Variants in TBC1D1 observed in about 807,000 individuals in gnomAD.
The protein encoded by TBC1D1 is TBC1 domain family member 1, also known as TBC1 (tre-2/USP6, BUB2, cdc16) domain family, member 1.
A neutral mutation model predicts 125.6 loss-of-function variants in TBC1D1; 89 were observed. The observed-to-expected ratio is 0.71, with a 90% CI of 0.60 to 0.85. The LOEUF (loss-of-function observed/expected upper bound fraction) is 0.85, where lower values mean the gene tolerates loss of function less well. Ranked by LOEUF, TBC1D1 falls within the 40% of genes least tolerant of loss-of-function variation. TBC1D1 has a pLI of 0.00. For synonymous variants in TBC1D1, 565 were observed against 564.1 expected, an observed-to-expected ratio of 1.00 and a Z score of -0.02; for missense variants, 1,377 against 1,469.2, an observed-to-expected ratio of 0.94 and a Z score of 1.03.
Position 38,054,204 on chromosome 4 carries a change from T to C in TBC1D1, c.1916T>C (p.Phe639Ser). 4 of 1,614,118 alleles carry C rather than the reference T, an allele frequency of 2.5e-6. No homozygotes were observed. Among genetic ancestry groups the C allele is most frequent in the Non-Finnish European group, 3.4e-6 (4 of 1,179,936 alleles). The change falls in exon 12 of 20, where the codon TTT becomes TCT. Residue 639 changes from phenylalanine to serine, a missense_variant. This residue lies in a region of TBC1D1 where 822 missense variants were observed against 824.6 expected (regional missense o/e 1.00). Transcript: ENST00000261439. ...CAATCATCTTATAATTTTAGGGACT[T>C]TGAATCCAAAGCAAACCATCTTGGT...
chr4:38,131,477 G>C (rs939183396), intron 18 of TBC1D1, among the ~76,000 whole-genome samples: 1 of 152,162 alleles, frequency 6.6e-6, no homozygotes, highest in Admixed American at 6.5e-5. Flanking sequence ...TTTGTGGCAG[G>C]TGTGTGGAAG....
At chr4:38,078,444 T>C (rs558687892) in intron 12 of TBC1D1, among the ~76,000 whole-genome samples, 2 of 152,316 alleles carry the variant, frequency 1.3e-5, no homozygotes, top group East Asian at 3.9e-4. Flanking sequence ...TGCTATGGAC[T>C]GAACATTTGT....
chr4:37,974,497 C>T (rs1732659340), intron 2 of TBC1D1, among the ~76,000 whole-genome samples: 1 of 152,102 alleles, frequency 6.6e-6, no homozygotes, highest in Admixed American at 6.5e-5. Flanking sequence ...TCTTGGCATC[C>T]CAAAGTGCTG....
At chr4:38,087,139 A>C (rs774188629) in intron 12 of TBC1D1, among the ~76,000 whole-genome samples, 13 of 152,248 alleles carry the variant, frequency 8.5e-5, no homozygotes, top group Admixed American at 4.6e-4. Flanking sequence ...ACAAACTGTC[A>C]CTAGTGATAA....
At chr4:38,061,856 T>C (rs1431637094) in intron 12 of TBC1D1, among the ~76,000 whole-genome samples, 5 of 152,226 alleles carry the variant, frequency 3.3e-5, no homozygotes, top group African/African-American at 4.8e-5. Flanking sequence ...AAACATGATT[T>C]ACATGTTTTA....
At chr4:38,065,393 G>A (rs558967654) in intron 12 of TBC1D1, among the ~76,000 whole-genome samples, 33 of 152,272 alleles carry the variant, frequency 2.2e-4, no homozygotes, top group Admixed American at 1.8e-3. Flanking sequence ...TCAAGCCGCA[G>A]CAGCTGATAA....
At chr4:38,078,457 C>A (rs1384820574) in intron 12 of TBC1D1, among the ~76,000 whole-genome samples, 1 of 152,068 alleles carries the variant, frequency 6.6e-6, no homozygotes, top group Admixed American at 6.5e-5. Context: ...ACATTTGTGT[C>A]CCCCCAAAAT....
intron 11 of TBC1D1, 101 bp downstream of exon 13, chr4:38,053,326 T>C (rs763262895): frequency 1.5e-5 from 15 of 1,013,086 alleles, no homozygotes; most frequent in Non-Finnish European, 1.8e-5. Context: ...ATTTAAAAAA[T>C]CATTTCAGCT....
rs746363297 is a variant in TBC1D1, at chr4:38,014,892, C to T, written c.801C>T (p.Ser267=). 9.4e-6 allele frequency: 15 copies of T among 1,603,450 alleles called. No individual in the cohort carries two copies. Among genetic ancestry groups the T allele is most frequent in the African/African-American group, 1.3e-5 (1 of 74,590 alleles). Residue 267 remains serine, a synonymous_variant, in exon 3 of 20, where the codon AGC becomes AGT. Transcript: ENST00000261439. The surrounding 1 kb of genome is among the most constrained non-coding windows in gnomAD (Gnocchi z 5.1). The stretch of plus-strand genomic sequence containing the variant: ...GCTTCTTCAGCTCCTTCGAGGAGAG[C>T]GACATTGAGAACCACCTCATTAGCG...
chr4:38,008,846 A>G (rs1422688150), intron 2 of TBC1D1, among the ~76,000 whole-genome samples: 1 of 152,168 alleles, frequency 6.6e-6, no homozygotes, highest in East Asian at 1.9e-4. Flanking sequence ...CTGTCACCTT[A>G]TATTGGAAAT....
intron 8 of TBC1D1, among the ~76,000 whole-genome samples, chr4:38,043,054 A>G (rs893538976): frequency 1.3e-5 from 2 of 151,940 alleles, no homozygotes; most frequent in Non-Finnish European, 2.9e-5. Context: ...GGTGTGCGCC[A>G]CTACACCCGG....
At chr4:38,072,926 G>A (rs140127732) in intron 12 of TBC1D1, among the ~76,000 whole-genome samples, 115 of 152,256 alleles carry the variant, frequency 7.6e-4, no homozygotes, top group African/African-American at 2.4e-3. Context: ...GTTCATTCAC[G>A]TTGTAGCATA....
chr4:38,137,273 C>T lies in TBC1D1; in HGVS notation c.3445C>T (p.Arg1149Trp), dbSNP rs772516545. The change falls in exon 20 of 20, where the codon CGG (arginine) becomes TGG (tryptophan). Residue 1149 changes from arginine to tryptophan, a missense_variant. By Grantham distance (101) the Arg-to-Trp change is moderately radical. Coordinates refer to ENST00000261439, the MANE Select transcript of TBC1D1 (RefSeq NM_015173.4). ...GCAGACGGTGGAGGAGCTGCGGCGG[C>T]GGAGCGCAGAGCCCAGCGACCGGGA... 9.9e-6 allele frequency: 16 copies of T among 1,611,720 alleles called. No homozygotes were observed. Among genetic ancestry groups the T allele is most frequent in the Admixed American group, 3.3e-5 (2 of 60,020 alleles).
chr4:38,045,019 CA>C (rs1749127555), intron 9 of TBC1D1, among the ~76,000 whole-genome samples: 2 of 152,326 alleles, frequency 1.3e-5, no homozygotes, highest in South Asian at 4.1e-4. Context: ...GCAGTTGCCA[CA>C]AACACTATAT....
chr4:37,915,575 G>A (rs905924089), intron 2 of TBC1D1, among the ~76,000 whole-genome samples: 2 of 152,082 alleles, frequency 1.3e-5, no homozygotes, highest in Non-Finnish European at 2.9e-5. Flanking sequence ...TTAACATTGG[G>A]GAGGGCTGTT....
intron 18 of TBC1D1, among the ~76,000 whole-genome samples, chr4:38,132,534 CAT>C (rs765243565): frequency 5.2e-4 from 79 of 152,178 alleles, no homozygotes; most frequent in Admixed American, 1.3e-3. Context: ...GTGTGGGTGA[CAT>C]GTGGGTTTTG....
intron 2 of TBC1D1, among the ~76,000 whole-genome samples, chr4:37,965,687 C>T (rs1730927761): frequency 6.6e-6 from 1 of 152,118 alleles, no homozygotes. Flanking sequence ...TTTAGTTCTA[C>T]CTTGACCCTG....
At chr4:38,013,394 T>A (rs953651114) in intron 2 of TBC1D1, among the ~76,000 whole-genome samples, 4 of 152,240 alleles carry the variant, frequency 2.6e-5, no homozygotes, top group Admixed American at 1.3e-4. Flanking sequence ...GGGGGATTTT[T>A]AAAATTTCTC....
chr4:38,103,321 T>C (rs1033170117), intron 15 of TBC1D1, among the ~76,000 whole-genome samples, 164 bp downstream of exon 17: 1 of 152,232 alleles, frequency 6.6e-6, no homozygotes, highest in Admixed American at 6.5e-5. Context: ...ACAAATGTCA[T>C]CTTCAAGCAT....
Sources: allele counts gnomAD v4.1 joint callset (sites outside exome capture counted in the v4.1 genomes callset), GRCh38; gene constraint gnomAD v4.1.1; regional missense constraint gnomAD v4.1.1; non-coding constraint Gnocchi (gnomAD v3.1); transcripts MANE v1.5; gene names NCBI Gene and HGNC (gene_info 2026-07-23, HGNC 2026-07-21).